Variants in EPDR1 observed in about 807,000 individuals in gnomAD.
EPDR1 encodes the protein ependymin related 1.
In EPDR1, 27 loss-of-function variants were observed where a neutral mutation model predicts 23.7. The observed-to-expected ratio is 1.14, with a 90% CI of 0.84 to 1.57. The LOEUF (loss-of-function observed/expected upper bound fraction) is 1.57. EPDR1 is among the 40% of genes most tolerant of loss of function. The probability of loss-of-function intolerance (pLI) is 0.00; values close to 1 mark genes in which losing one functional copy is unlikely to be tolerated. For missense variants in EPDR1, 349 were observed against 290.4 expected (o/e 1.20, Z -1.47); for synonymous variants, 137 against 118.2 (o/e 1.16, Z -1.03).
At position 37,920,665 on chromosome 7, in the gene EPDR1, A is replaced by G. The variant is rs1442577548; in HGVS notation, c.-275A>G. ...AGTGAAAACCGAAGCGGCAGAAGGC[A>G]GTGGCAGCAGGCAGTGGCAGCAGGC... On this transcript the variant is annotated 5_prime_UTR_variant, in exon 1 of 3. Coordinates refer to ENST00000199448, the MANE Select transcript of EPDR1 (RefSeq NM_017549.5). 2.7e-6 allele frequency: 2 copies of G among 741,040 alleles called. No homozygotes were observed. Among genetic ancestry groups the G allele is most frequent in the African/African-American group, 3.3e-5 (2 of 60,466 alleles). 45.9% of individuals were successfully genotyped at this position (741,040 alleles called of 1,614,324 possible).
chr7:37,940,058 G>T (rs575857388), intron 1 of EPDR1, among the ~76,000 whole-genome samples: 1 of 152,208 alleles, frequency 6.6e-6, no homozygotes, highest in South Asian at 2.1e-4. Context: ...ACTGGCTAAA[G>T]AAATAATGAT....
At chr7:37,938,335 G>A (rs1786101429) in intron 1 of EPDR1, among the ~76,000 whole-genome samples, 1 of 152,086 alleles carries the variant, frequency 6.6e-6, no homozygotes, top group Admixed American at 6.6e-5. Context: ...AAGTCAGAGG[G>A]AGCCAAATCA....
At chr7:37,937,076 T>A (rs2132010955) in intron 1 of EPDR1, among the ~76,000 whole-genome samples, 1 of 152,280 alleles carries the variant, frequency 6.6e-6, no homozygotes, top group Admixed American at 6.5e-5. Flanking sequence ...TTCAGTGGAA[T>A]AAAATAGAGT....
intron 1 of EPDR1, among the ~76,000 whole-genome samples, chr7:37,947,169 T>C (rs1308758378): frequency 6.6e-6 from 1 of 152,160 alleles, no homozygotes; most frequent in African/African-American, 2.4e-5. Flanking sequence ...TATACATGCG[T>C]ACCATTTTTT....
At chr7:37,937,636 AG>A (rs938548588) in intron 1 of EPDR1, among the ~76,000 whole-genome samples, 1 of 152,162 alleles carries the variant, frequency 6.6e-6, no homozygotes, top group African/African-American at 2.4e-5. Flanking sequence ...GCTCTTTGAA[AG>A]GTTAGTGACT....
In EPDR1 at chr7:37,950,358, G is replaced by A. The variant is rs779949465; in HGVS notation, c.637G>A (p.Ala213Thr). The A allele has an allele frequency of 3.3e-5, 53 of 1,613,584 alleles. No individual in the cohort carries two copies. In the Admixed American group the frequency reaches 8.7e-4, roughly 26 times the overall value. ...TACCCCTCCAAGCACGTGCCAGATG[G>A]CCCAACTGGAGAAGATGAGCGAAGA... ...VFTPPSTCQM[A>T]QLEKMSEDCS... Residue 213 changes from alanine (A) to threonine (T), a missense_variant, in exon 3 of 3, where the codon GCC becomes ACC. Transcript: ENST00000199448.
At chr7:37,935,993 CATAT>C (rs752536687) in intron 1 of EPDR1, among the ~76,000 whole-genome samples, 2,802 of 45,406 alleles carry the variant, frequency 0.062, 269 homozygotes, top group Non-Finnish European at 0.08. Context: ...CAAATCATGG[CATAT>C]ATATATATAT....
chr7:37,921,137 G>T lies in EPDR1; in HGVS notation c.198G>T (p.Leu66=). ...GTAGCGGGCGCAACAGCCGCGCCCT[G>T]CTCTCCTACGACGGGCTCAACCAGC... ...QQSSGRNSRA[L]LSYDGLNQRV... is the part of the protein sequence containing the mutation. The change falls in exon 1 of 3, where the codon CTG becomes CTT. Residue 66 remains leucine, a synonymous_variant. Coordinates refer to ENST00000199448, the MANE Select transcript of EPDR1 (RefSeq NM_017549.5). The T allele has an allele frequency of 6.3e-7, 1 of 1,596,478 alleles. No individual in the cohort carries two copies. The highest frequency in any genetic ancestry group is 8.5e-7 in the Non-Finnish European group (1 of 1,178,880).
intron 1 of EPDR1, chr7:37,921,464 C>G: frequency 1.5e-6 from 2 of 1,376,338 alleles, no homozygotes; most frequent in Non-Finnish European, 9.3e-7. Context: ...AAAGAAGGGA[C>G]CCATCCAGGG....
At chr7:37,937,702 T>C (rs997103919) in intron 1 of EPDR1, among the ~76,000 whole-genome samples, 8 of 152,244 alleles carry the variant, frequency 5.3e-5, no homozygotes, top group Admixed American at 2.0e-4. Context: ...GTGCTGGAGA[T>C]ACTCAGATTG....
chr7:37,928,361 C>T (rs1459572066), intron 1 of EPDR1, among the ~76,000 whole-genome samples: 1 of 151,634 alleles, frequency 6.6e-6, no homozygotes, highest in African/African-American at 2.4e-5. Flanking sequence ...TTTCTATTTT[C>T]CCCCTTAACA....
At chr7:37,937,985 A>ATTTTTTTTTGTTTTTTTTTTTT (rs1786088971) in intron 1 of EPDR1, among the ~76,000 whole-genome samples, 1 of 72,424 alleles carries the variant, frequency 1.4e-5, no homozygotes, top group South Asian at 6.8e-4. Flanking sequence ...TGCCCTTTAA[A>ATTTTTTTTTGTTTTTTTTTTTT]TTTTTTTTTT....
chr7:37,950,328 G>T lies in EPDR1; in HGVS notation c.607G>T (p.Val203Leu), dbSNP rs763111292. The T allele has an allele frequency of 1.2e-6, 2 of 1,613,902 alleles. No individual in the cohort carries two copies. Among genetic ancestry groups the T allele is most frequent in the South Asian group, 2.2e-5 (2 of 91,018 alleles). The change falls in exon 3 of 3, where the codon GTG (valine) becomes TTG (leucine). Residue 203 changes from valine to leucine, a missense_variant. By Grantham distance (32) the Val-to-Leu change is conservative. Coordinates refer to ENST00000199448, the MANE Select transcript of EPDR1 (RefSeq NM_017549.5). ...CCAGCTGGGTATTAAAGACCCCTCG[G>T]TGTTTACCCCTCCAAGCACGTGCCA... ...DIQLGIKDPSVFTPPSTCQMA... is the reference protein window; with the variant it reads ...DIQLGIKDPSLFTPPSTCQMA...
At chr7:37,943,521 C>G (rs1209073185) in intron 1 of EPDR1, among the ~76,000 whole-genome samples, 3 of 152,176 alleles carry the variant, frequency 2.0e-5, no homozygotes, top group African/African-American at 7.2e-5. Flanking sequence ...ACACACGCCA[C>G]TACAGTATCA....
At chr7:37,936,017 T>TACACAC (rs1483804564) in intron 1 of EPDR1, among the ~76,000 whole-genome samples, 2 of 82,698 alleles carry the variant, frequency 2.4e-5, no homozygotes, top group African/African-American at 7.7e-5. Flanking sequence ...TATATATATA[T>TACACAC]ATATATATAT....
At position 37,920,897 on chromosome 7, in the gene EPDR1, C is replaced by T. The variant is rs757373150; in HGVS notation, c.-43C>T. Reference sequence around the variant, plus strand: ...CTGATCCCGGACGCCTCAGCGCCCCCTTGGGCTTGGGCTTGCCCTCGGGCC... The same window carrying T: ...CTGATCCCGGACGCCTCAGCGCCCCTTTGGGCTTGGGCTTGCCCTCGGGCC... On this transcript the variant is annotated 5_prime_UTR_variant, in exon 1 of 3. Transcript: ENST00000199448. The T allele has an allele frequency of 6.8e-5, 110 of 1,611,074 alleles. No homozygotes were observed. The Admixed American group carries it at 1.8e-3, about 26-fold the overall frequency.
At chr7:37,944,583 G>A (rs982231683) in intron 1 of EPDR1, among the ~76,000 whole-genome samples, 4 of 152,186 alleles carry the variant, frequency 2.6e-5, no homozygotes, top group Non-Finnish European at 5.9e-5. Flanking sequence ...GACTTCTTAC[G>A]TGGTGGCAGG....
intron 1 of EPDR1, among the ~76,000 whole-genome samples, chr7:37,942,036 T>C (rs1274660640): frequency 2.0e-5 from 3 of 152,200 alleles, no homozygotes; most frequent in Admixed American, 6.5e-5. Flanking sequence ...TTTATCTTTT[T>C]ACTTAAAAGA....
chr7:37,924,863 A>G (rs933375335), intron 1 of EPDR1, among the ~76,000 whole-genome samples: 1 of 152,242 alleles, frequency 6.6e-6, no homozygotes, highest in Non-Finnish European at 1.5e-5. Context: ...AATATGGATG[A>G]GTTGTCTCTT....
Sources: gnomAD v4.1 joint callset for allele counts (sites outside exome capture counted in the v4.1 genomes callset) on GRCh38, gnomAD v4.1.1 for gene constraint, MANE v1.5 for transcripts, NCBI Gene and HGNC (gene_info 2026-07-23, HGNC 2026-07-21) for gene names.